DPP10: variants seen among roughly 807,000 people sequenced by gnomAD.
The protein encoded by DPP10 is inactive dipeptidyl peptidase 10.
DPP10 carries 33 observed loss-of-function variants against 120.9 expected under a neutral mutation model. The ratio of observed to expected loss-of-function variants is 0.27; its 90% confidence interval spans 0.21 to 0.37. DPP10 has a LOEUF of 0.37. Ranked by LOEUF, DPP10 falls within the 10% of genes least tolerant of loss-of-function variation. The pLI, the probability that DPP10 is intolerant of heterozygous loss-of-function variation, is 1.00. For missense variants in DPP10, 816 were observed against 942.8 expected, an observed-to-expected ratio of 0.87 and a Z score of 1.76; for synonymous variants, 337 against 326.1, an observed-to-expected ratio of 1.03 and a Z score of -0.36.
At chr2:115,705,748 T>A (rs2092077277) in intron 7 of DPP10, among the ~76,000 whole-genome samples, 1 of 151,922 alleles carries the variant, frequency 6.6e-6, no homozygotes, top group Non-Finnish European at 1.5e-5. Context: ...ATAACTGAAA[T>A]CCGATTACCT....
At chr2:115,191,740 C>G (rs1246471869) in intron 1 of DPP10, among the ~76,000 whole-genome samples, 1 of 152,100 alleles carries the variant, frequency 6.6e-6, no homozygotes. Flanking sequence ...AAGATCCTTC[C>G]CAGGCCGGTT....
chr2:114,728,389 G>T (rs1391758725), intron 1 of DPP10, among the ~76,000 whole-genome samples: 1 of 152,142 alleles, frequency 6.6e-6, no homozygotes, highest in East Asian at 1.9e-4. Flanking sequence ...CCCTTTTCTA[G>T]TTATGTGACC....
intron 1 of DPP10, among the ~76,000 whole-genome samples, chr2:114,731,939 C>T (rs932512310): frequency 1.3e-5 from 2 of 152,054 alleles, no homozygotes; most frequent in Admixed American, 6.6e-5. Context: ...GTAGGATGAG[C>T]CTGGTCAATT....
intron 1 of DPP10, among the ~76,000 whole-genome samples, chr2:114,552,989 A>G (rs1158899211): frequency 2.0e-5 from 3 of 152,088 alleles, no homozygotes; most frequent in Non-Finnish European, 4.4e-5. Context: ...AGCATTATTC[A>G]GTTGTCCTCT....
intron 1 of DPP10, among the ~76,000 whole-genome samples, chr2:114,610,121 T>C (rs1023476616): frequency 6.6e-6 from 1 of 152,192 alleles, no homozygotes; most frequent in Admixed American, 6.6e-5. Flanking sequence ...ATCTTACGGA[T>C]GACGAAACTG....
intron 1 of DPP10, among the ~76,000 whole-genome samples, chr2:115,252,457 T>C (rs1177421879): frequency 1.3e-5 from 2 of 152,204 alleles, no homozygotes; most frequent in Non-Finnish European, 2.9e-5. Context: ...TCTGAAATAA[T>C]TGCCAAGCTT....
In DPP10 at chr2:115,525,959, A is replaced by G; in HGVS notation, c.428A>G (p.Tyr143Cys). Residue 143 changes from tyrosine (Y) to cysteine (C), a missense_variant, in exon 5 of 26, where the codon TAT (tyrosine) becomes TGT (cysteine). By Grantham distance (194) the Tyr-to-Cys change is radical (BLOSUM62 -2). This residue lies in a region of DPP10 where 182 missense variants were observed against 207.4 expected (regional missense o/e 0.88). Coordinates refer to ENST00000410059, the MANE Select transcript of DPP10 (RefSeq NM_020868.6). ...GATTTAAAATATGTCCTTCTGGCAT[A>G]TGATGTCAAACAGGTAAAGGAGTGA... ...SPDLKYVLLA[Y>C]DVKQIFHYSY... 3 of 1,610,480 alleles carry G rather than the reference A, an allele frequency of 1.9e-6. No homozygotes were observed. The highest frequency in any genetic ancestry group is 2.5e-6 in the Non-Finnish European group (3 of 1,178,262).
chr2:114,546,645 T>C (rs550391002), intron 1 of DPP10, among the ~76,000 whole-genome samples: 1 of 152,258 alleles, frequency 6.6e-6, no homozygotes, highest in South Asian at 2.1e-4. Context: ...ACTACTCAAT[T>C]TTAAAGTGGC....
chr2:114,565,643 G>C (rs149792597), intron 1 of DPP10, among the ~76,000 whole-genome samples: 23 of 152,324 alleles, frequency 1.5e-4, no homozygotes, highest in Non-Finnish European at 2.8e-4. Context: ...GCATACTTCT[G>C]TCCTGGTGTG....
chr2:115,696,942 G>T (rs2091624772), intron 7 of DPP10, among the ~76,000 whole-genome samples: 1 of 152,098 alleles, frequency 6.6e-6, no homozygotes. Flanking sequence ...CAATAATTGA[G>T]GGAGGTGAGG....
chr2:115,527,773 C>G (rs566325246), intron 5 of DPP10, among the ~76,000 whole-genome samples: 1 of 152,040 alleles, frequency 6.6e-6, no homozygotes. Context: ...TTTAACATTA[C>G]TAGCCAATAG....
chr2:115,043,559 A>C (rs1233943640), intron 1 of DPP10, among the ~76,000 whole-genome samples: 1 of 152,214 alleles, frequency 6.6e-6, no homozygotes, highest in Non-Finnish European at 1.5e-5. Context: ...ATTACATAGT[A>C]AACTCTTCAT....
intron 4 of DPP10, among the ~76,000 whole-genome samples, chr2:115,522,874 A>G (rs887856654): frequency 1.3e-5 from 2 of 152,180 alleles, no homozygotes; most frequent in Middle Eastern, 3.2e-3. Context: ...GTTGAAATTA[A>G]ACCAGAACTA....
chr2:114,989,828 T>G (rs181863124), intron 1 of DPP10, among the ~76,000 whole-genome samples: 8 of 152,320 alleles, frequency 5.3e-5, no homozygotes, highest in Admixed American at 5.2e-4. Flanking sequence ...CCTACAGACC[T>G]GATGTTAAAT....
intron 1 of DPP10, among the ~76,000 whole-genome samples, chr2:114,540,034 G>A (rs1357759622): frequency 6.6e-6 from 1 of 152,114 alleles, no homozygotes; most frequent in Non-Finnish European, 1.5e-5. Context: ...TAGTATTAAA[G>A]TACATAATAG....
intron 1 of DPP10, among the ~76,000 whole-genome samples, chr2:115,236,826 CTAAG>C (rs1305904752): frequency 4.6e-5 from 7 of 152,120 alleles, no homozygotes; most frequent in Non-Finnish European, 8.8e-5. Context: ...CTCATGGAGA[CTAAG>C]TAAGTTGGCT....
At chr2:114,835,735 A>G (rs1370760185) in intron 1 of DPP10, 1 of 152,172 alleles carries the variant, frequency 6.6e-6, no homozygotes, top group Non-Finnish European at 1.5e-5. Flanking sequence ...TGTCAGTCAG[A>G]CAAATCCAAA....
chr2:114,586,699 T>A (rs1352618164), intron 1 of DPP10, among the ~76,000 whole-genome samples: 2 of 152,156 alleles, frequency 1.3e-5, no homozygotes, highest in Non-Finnish European at 2.9e-5. Context: ...TGGGGCCTGG[T>A]GAGAGGTGTT....
intron 1 of DPP10, among the ~76,000 whole-genome samples, chr2:115,211,884 T>G (rs1336897111): frequency 2.6e-5 from 4 of 152,192 alleles, no homozygotes; most frequent in Admixed American, 2.6e-4. Flanking sequence ...CATTATTTTT[T>G]GAATAAACAA....
Sources: gnomAD v4.1 joint callset for allele counts (sites outside exome capture counted in the v4.1 genomes callset) on GRCh38, gnomAD v4.1.1 for gene constraint, gnomAD v4.1.1 regional missense constraint, MANE v1.5 for transcripts, NCBI Gene and HGNC (gene_info 2026-07-23, HGNC 2026-07-21) for gene names.